Variants in EXD3 observed in about 807,000 individuals in gnomAD.
EXD3 encodes exonuclease 3'-5' domain containing 3, also known as exonuclease mut-7 homolog.
A neutral mutation model predicts 98.0 loss-of-function variants in EXD3; 92 were observed. That is an observed-to-expected ratio of 0.94 (90% confidence interval 0.79 to 1.12). The LOEUF is 1.12. Ranked by LOEUF, EXD3 falls within the 50% of genes most tolerant of loss-of-function variation. The pLI is 0.00. For synonymous variants in EXD3, 569 were observed against 526.0 expected (o/e 1.08, Z -1.12); for missense variants, 1,222 against 1,191.6 (o/e 1.03, Z -0.38).
chr9:137,394,619 T>A (rs1837113204), intron 2 of EXD3, among the ~76,000 whole-genome samples: 1 of 152,186 alleles, frequency 6.6e-6, no homozygotes, highest in Admixed American at 6.5e-5. Context: ...TTGCAGGGTC[T>A]CGATCTGTAG....
At chr9:137,319,122 C>G (rs1831882734) in intron 19 of EXD3, among the ~76,000 whole-genome samples, 1 of 152,228 alleles carries the variant, frequency 6.6e-6, no homozygotes, top group Non-Finnish European at 1.5e-5. Context: ...GATCCTGTGA[C>G]CAAGCCCAGA....
At chr9:137,367,230 G>A (rs1344973611) in intron 6 of EXD3, among the ~76,000 whole-genome samples, 1 of 152,234 alleles carries the variant, frequency 6.6e-6, no homozygotes, top group East Asian at 1.9e-4. Context: ...TGCCTTGGGG[G>A]ACAGTCCTCG....
intron 17 of EXD3, among the ~76,000 whole-genome samples, chr9:137,335,507 G>A (rs1406703055): frequency 6.6e-6 from 1 of 151,890 alleles, no homozygotes; most frequent in Admixed American, 6.6e-5. Flanking sequence ...GGTGAAACCC[G>A]GTCTCTGCTA....
chr9:137,318,969 C>G (rs895700001), intron 19 of EXD3, among the ~76,000 whole-genome samples: 1 of 152,236 alleles, frequency 6.6e-6, no homozygotes, highest in Non-Finnish European at 1.5e-5. Flanking sequence ...GAACCCTGCA[C>G]GTTGAGCGGG....
intron 2 of EXD3, chr9:137,392,666 A>C: frequency 3.1e-6 from 1 of 323,500 alleles, no homozygotes; most frequent in East Asian, 7.9e-5. Flanking sequence ...CATTCCAGGA[A>C]GCGCCAGGCT....
intron 8 of EXD3, among the ~76,000 whole-genome samples, chr9:137,355,541 A>AG (rs1476194175): frequency 3.4e-4 from 18 of 52,600 alleles, no homozygotes; most frequent in Admixed American, 3.7e-4. Context: ...GGAAGGAGGA[A>AG]GGAGGAAGGA....
chr9:137,329,926 A>G (rs111216724), intron 17 of EXD3, among the ~76,000 whole-genome samples: 1 of 5,688 alleles, frequency 1.8e-4, no homozygotes, highest in Non-Finnish European at 4.4e-4. Context: ...AGGACTACAC[A>G]GGACTACACA....
intron 3 of EXD3, among the ~76,000 whole-genome samples, chr9:137,379,545 G>A (rs1354346874): frequency 1.3e-5 from 2 of 151,126 alleles, no homozygotes; most frequent in African/African-American, 2.4e-5. Flanking sequence ...TGAGGGGTAC[G>A]GGGTTTGCTT....
intron 1 of EXD3, among the ~76,000 whole-genome samples, chr9:137,406,951 G>A (rs1837743706): frequency 6.6e-6 from 1 of 152,054 alleles, no homozygotes; most frequent in Non-Finnish European, 1.5e-5. Context: ...TCCGAGAGAG[G>A]TGCGGAGCCA....
At chr9:137,420,785 G>A (rs867857780) in intron 1 of EXD3, among the ~76,000 whole-genome samples, 1 of 149,338 alleles carries the variant, frequency 6.7e-6, no homozygotes, top group Non-Finnish European at 1.5e-5. Flanking sequence ...CTGTGATGGG[G>A]AGCCACTGGC....
intron 17 of EXD3, among the ~76,000 whole-genome samples, chr9:137,330,246 C>T (rs1412277048): frequency 7.1e-6 from 1 of 140,478 alleles, no homozygotes; most frequent in Non-Finnish European, 1.5e-5. Context: ...TACACAGGAG[C>T]TACACAGGGC....
chr9:137,349,141 T>C lies in EXD3; in HGVS notation c.1799A>G (p.Gln600Arg). ...GGGTGCGGCCGGTGCTGACGCTTTCTGCAGGCCGGGTGGCTTCCGTGCCCC... is the reference window on the plus strand; with the variant it reads ...GGGTGCGGCCGGTGCTGACGCTTTCCGCAGGCCGGGTGGCTTCCGTGCCCC... ...RPGARKPPGL[Q>R]KASAPAAPRQ... Residue 600 changes from glutamine (Q) to arginine (R), a missense_variant, in exon 16 of 22, where the codon CAG (glutamine) becomes CGG (arginine). Coordinates refer to ENST00000340951, the MANE Select transcript of EXD3 (RefSeq NM_017820.5). The surrounding 1 kb of genome is among the most constrained non-coding windows in gnomAD (Gnocchi z 7.4). 6.3e-7 allele frequency: 1 copy of C among 1,599,174 alleles called. No homozygotes were observed. Among genetic ancestry groups the C allele is most frequent in the South Asian group, 1.1e-5 (1 of 90,526 alleles).
At chr9:137,362,434 C>A (rs1418642239) in intron 7 of EXD3, among the ~76,000 whole-genome samples, 1 of 151,886 alleles carries the variant, frequency 6.6e-6, no homozygotes, top group African/African-American at 2.4e-5. Context: ...ATAGAAAAGT[C>A]ATTTTTATAA....
chr9:137,309,535 C>G (rs758135134), intron 20 of EXD3, 72 bp downstream of exon 20: 29 of 1,304,140 alleles, frequency 2.2e-5, no homozygotes, highest in Non-Finnish European at 3.0e-5. Context: ...CCAGGCCCCT[C>G]TCCCTGGCTA....
Position 137,323,714 on chromosome 9 carries a change from G to C in EXD3, c.2184+11C>G, listed in dbSNP as rs777122339. On this transcript the variant is annotated intron_variant, in intron 19 of 21. Transcript: ENST00000340951. ...GCCAGCCCCAGGTAGGACGGGGTGCGCAGGACCCACCTGGCAGCGGCTGAA... is the reference window on the plus strand; with the variant it reads ...GCCAGCCCCAGGTAGGACGGGGTGCCCAGGACCCACCTGGCAGCGGCTGAA... The C allele has an allele frequency of 3.1e-6, 5 of 1,611,066 alleles. No homozygotes were observed. In the East Asian group the frequency reaches 6.7e-5, roughly 22 times the overall value.
chr9:137,412,821 A>C lies in EXD3; in HGVS notation c.-48+10293T>G, dbSNP rs546791207. 9.8e-5 allele frequency among the ~76,000 whole-genome samples: 15 copies of C among 152,316 alleles called. No individual in the cohort carries two copies. The East Asian group carries it at 2.9e-3, about 29-fold the overall frequency. On this transcript the variant is annotated intron_variant, in intron 1 of 21. Coordinates refer to ENST00000340951, the MANE Select transcript of EXD3 (RefSeq NM_017820.5). ...TTGAGACAGGGTCTCACTGTCGCCC[A>C]GGATGGAGTGCGGTGGGGCGATCAC...
At chr9:137,372,770 C>T (rs1409986671) in intron 5 of EXD3, 135 bp downstream of exon 5, 15 of 918,422 alleles carry the variant, frequency 1.6e-5, no homozygotes, top group African/African-American at 3.4e-5. Context: ...TGCCCACGGC[C>T]GGGTCCTTGA....
intron 3 of EXD3, among the ~76,000 whole-genome samples, chr9:137,381,977 G>A (rs1564194426): frequency 1.3e-5 from 2 of 150,916 alleles, no homozygotes; most frequent in African/African-American, 4.9e-5. Context: ...GGAGGTGGGA[G>A]CACGCAGAGG....
chr9:137,310,799 GC>G (rs1338858411), intron 19 of EXD3, among the ~76,000 whole-genome samples: 4 of 152,194 alleles, frequency 2.6e-5, no homozygotes, highest in African/African-American at 7.2e-5. Context: ...TCCCGTCACA[GC>G]CCTTCTGATG....
Sources: gnomAD v4.1 joint callset for allele counts (sites outside exome capture counted in the v4.1 genomes callset) on GRCh38, gnomAD v4.1.1 for gene constraint, Gnocchi (gnomAD v3.1) non-coding constraint, MANE v1.5 for transcripts, NCBI Gene and HGNC (gene_info 2026-07-23, HGNC 2026-07-21) for gene names.